KIAA1549: variants seen among roughly 807,000 people sequenced by gnomAD.
KIAA1549 encodes UPF0606 protein KIAA1549.
In KIAA1549, 70 loss-of-function variants were observed where a neutral mutation model predicts 156.4. That is an observed-to-expected ratio of 0.45 (90% confidence interval 0.37 to 0.55). The LOEUF is 0.55. KIAA1549 is among the 20% of genes least tolerant of loss of function. KIAA1549 has a pLI of 0.00. For synonymous variants in KIAA1549, 1,103 were observed against 1,066.4 expected (o/e 1.03, Z -0.67); for missense variants, 2,428 against 2,540.9 (o/e 0.96, Z 0.96).
rs73458283 is a variant in KIAA1549, at chr7:138,849,159, C to T, written c.5294+3064G>A. On this transcript the variant is annotated intron_variant, in intron 17 of 19. Coordinates refer to ENST00000422774, the MANE Select transcript of KIAA1549 (RefSeq NM_001164665.2). ...CACAGATTATTTGATCAAGCTTGTG[C>T]GAGTCTATCAATTTTATTAGTTTTC... 2.1e-3 allele frequency among the ~76,000 whole-genome samples: 321 copies of T among 152,160 alleles called. 2 individuals are homozygous for T. Among genetic ancestry groups the T allele is most frequent in the African/African-American group, 7.4e-3 (309 of 41,546 alleles).
chr7:138,870,270 C>G (rs1451575622), intron 13 of KIAA1549, among the ~76,000 whole-genome samples: 2 of 151,914 alleles, frequency 1.3e-5, no homozygotes, highest in African/African-American at 4.8e-5. Flanking sequence ...CAGGGAGGAG[C>G]AGAGACCCTG....
chr7:138,932,526 A>AT (rs2130507266), intron 1 of KIAA1549, among the ~76,000 whole-genome samples: 1 of 152,372 alleles, frequency 6.6e-6, no homozygotes, highest in East Asian at 1.9e-4. Context: ...TGAAGAAGCT[A>AT]TTTAAAAGCA....
chr7:138,920,232 T>C (rs531516454), intron 1 of KIAA1549, among the ~76,000 whole-genome samples: 85 of 152,244 alleles, frequency 5.6e-4, no homozygotes, highest in African/African-American at 2.0e-3. Flanking sequence ...CCCAGCTCTC[T>C]ATATGGATGG....
intron 9 of KIAA1549, among the ~76,000 whole-genome samples, chr7:138,896,270 T>G (rs1178675062): frequency 6.6e-6 from 1 of 152,166 alleles, no homozygotes; most frequent in African/African-American, 2.4e-5. Flanking sequence ...TCAAAAGGTA[T>G]CTGCTCAAAG....
At chr7:138,881,367 T>G (rs768626105) in intron 11 of KIAA1549, 21 bp downstream of exon 11, 1 of 1,604,744 alleles carries the variant, frequency 6.2e-7, no homozygotes, top group Non-Finnish European at 8.5e-7. Context: ...CAAAGAATAA[T>G]ACAGAAAGCC....
At chr7:138,972,829 GTTTT>G (rs1180621999) in intron 1 of KIAA1549, among the ~76,000 whole-genome samples, 1 of 151,234 alleles carries the variant, frequency 6.6e-6, no homozygotes, top group Non-Finnish European at 1.5e-5. Flanking sequence ...GTTTTGTTTT[GTTTT>G]GTTTTTGAGA....
chr7:138,905,868 T>C (rs953554121), intron 6 of KIAA1549, among the ~76,000 whole-genome samples: 1 of 152,242 alleles, frequency 6.6e-6, no homozygotes, highest in Non-Finnish European at 1.5e-5. Flanking sequence ...TACAGTTTTA[T>C]GGGTTTTGAT....
In KIAA1549 at chr7:138,838,040, C is replaced by T. The variant is rs1432736203; in HGVS notation, c.5719G>A (p.Gly1907Arg). The change falls in exon 20 of 20, where the codon GGG becomes AGG. Residue 1907 changes from glycine to arginine, a missense_variant. By Grantham distance (125) the Gly-to-Arg change is moderately radical. Around this residue, in one of 5 missense-constraint regions of KIAA1549, gnomAD observed 363 missense variants for 354.0 expected, o/e 1.03. Coordinates refer to ENST00000422774, the MANE Select transcript of KIAA1549 (RefSeq NM_001164665.2). ...NLPHRGLQGP[G>R]LGYPTSSTED... is the part of the protein sequence containing the mutation. ...GTGGAGCTGGTGGGGTAACCCAGCC[C>T]AGGGCCCTGCAGTCCCCGGTGGGGG... is the stretch of plus-strand genomic sequence containing the variant. 6.2e-7 allele frequency: 1 copy of T among 1,603,888 alleles called. No homozygotes were observed.
intron 1 of KIAA1549, among the ~76,000 whole-genome samples, chr7:138,932,708 AGT>A (rs1255128668): frequency 6.6e-6 from 1 of 152,112 alleles, no homozygotes; most frequent in Non-Finnish European, 1.5e-5. Context: ...GCTCCTCAAG[AGT>A]GTGGTCAGCG....
In KIAA1549 at chr7:138,865,778, T is replaced by C. The variant is rs141434463; in HGVS notation, c.4929+2197A>G. On this transcript the variant is annotated intron_variant, in intron 15 of 19. Coordinates refer to ENST00000422774, the MANE Select transcript of KIAA1549 (RefSeq NM_001164665.2). ...ATCTAGAGTCACTGAAGCAGGCAAATGAAGACAGCCAGGAGAAGACAGGTT... is the reference window on the plus strand; with the variant it reads ...ATCTAGAGTCACTGAAGCAGGCAAACGAAGACAGCCAGGAGAAGACAGGTT... Among the ~76,000 whole-genome samples the C allele has an allele frequency of 3.1e-3, 471 of 152,140 alleles. 11 individuals are homozygous for C. In the East Asian group the frequency reaches 0.052, roughly 17 times the overall value.
At chr7:138,870,159 C>T (rs1810885489) in intron 13 of KIAA1549, among the ~76,000 whole-genome samples, 1 of 152,034 alleles carries the variant, frequency 6.6e-6, no homozygotes, top group African/African-American at 2.4e-5. Context: ...CCAGCAAAGC[C>T]TTCTAGGAGC....
At chr7:138,929,504 C>A (rs751432241) in intron 1 of KIAA1549, among the ~76,000 whole-genome samples, 8 of 152,164 alleles carry the variant, frequency 5.3e-5, no homozygotes, top group Non-Finnish European at 1.2e-4. Flanking sequence ...TTCGCATCAA[C>A]TTCTTCCAAA....
intron 8 of KIAA1549, among the ~76,000 whole-genome samples, chr7:138,899,375 A>T (rs927373829): frequency 6.6e-6 from 1 of 152,170 alleles, no homozygotes; most frequent in Non-Finnish European, 1.5e-5. Context: ...TTCTGGGGCC[A>T]AGGGGCAGGG....
intron 1 of KIAA1549, among the ~76,000 whole-genome samples, chr7:138,971,056 A>G (rs1327284211): frequency 3.3e-5 from 5 of 152,126 alleles, no homozygotes; most frequent in Admixed American, 6.5e-5. Context: ...CCTGCCCTCG[A>G]CACAACACCC....
rs1328061237 is a variant in KIAA1549 at position 138,832,814 on chromosome 7, G to A, written c.*5092C>T. 3 of 225,354 alleles carry A rather than the reference G, an allele frequency of 1.3e-5. No homozygotes were observed. Among genetic ancestry groups the A allele is most frequent in the African/African-American group, 6.7e-5 (3 of 44,884 alleles). 14.0% of individuals were successfully genotyped at this position (225,354 alleles called of 1,614,324 possible). A position where few individuals can be genotyped will look rare whatever the true frequency, so the allele number is the denominator to read the frequency against. On this transcript the variant is annotated 3_prime_UTR_variant, in exon 20 of 20. Transcript: ENST00000422774. ...ATTTCCAAGTCATCTTCATAGTGGA[G>A]AAAGTAGTCCTGTTTAAACACTGAC... is the stretch of plus-strand genomic sequence containing the variant.
chr7:138,871,116 C>A (rs767378051), intron 13 of KIAA1549, 41 bp downstream of exon 13: 1 of 1,583,074 alleles, frequency 6.3e-7, no homozygotes. Context: ...CGGGCTTAGC[C>A]GAGTTTTTTA....
At chr7:138,930,256 C>G (rs906463229) in intron 1 of KIAA1549, among the ~76,000 whole-genome samples, 4 of 152,168 alleles carry the variant, frequency 2.6e-5, no homozygotes, top group African/African-American at 9.7e-5. Flanking sequence ...GTTTCACTTA[C>G]AGAGTGCAAG....
At chr7:138,848,193 T>A (rs182805956) in intron 17 of KIAA1549, among the ~76,000 whole-genome samples, 129 of 152,368 alleles carry the variant, frequency 8.5e-4, no homozygotes, top group Non-Finnish European at 1.7e-3. Context: ...TTACTCTTTT[T>A]GTGTTTTTCT....
intron 1 of KIAA1549, among the ~76,000 whole-genome samples, chr7:138,966,188 G>T (rs764196946): frequency 6.6e-6 from 1 of 152,168 alleles, no homozygotes; most frequent in Non-Finnish European, 1.5e-5. Context: ...TGGAAACAGG[G>T]TCATCAAAGA....
Sources: allele counts gnomAD v4.1 joint callset (sites outside exome capture counted in the v4.1 genomes callset), GRCh38; gene constraint gnomAD v4.1.1; regional missense constraint gnomAD v4.1.1; transcripts MANE v1.5; gene names NCBI Gene and HGNC (gene_info 2026-07-23, HGNC 2026-07-21).